Variants in IFT57 observed in about 807,000 individuals in gnomAD.
IFT57 encodes intraflagellar transport 57, also known as intraflagellar transport protein 57 homolog.
IFT57 carries 59 observed loss-of-function variants against 56.8 expected under a neutral mutation model. That is an observed-to-expected ratio of 1.04 (90% CI 0.84 to 1.29). The LOEUF is 1.29. Among genes scored for constraint, IFT57 ranks in the 50% most tolerant of loss-of-function variants. The pLI, the probability that IFT57 is intolerant of heterozygous loss-of-function variation, is 0.00. For missense variants in IFT57, 470 were observed against 522.1 expected, an observed-to-expected ratio of 0.90 and a Z score of 0.97; for synonymous variants, 209 against 186.1, an observed-to-expected ratio of 1.12 and a Z score of -1.00.
chr3:108,212,927 T>C (rs2080350829), intron 4 of IFT57, among the ~76,000 whole-genome samples: 1 of 152,210 alleles, frequency 6.6e-6, no homozygotes, highest in African/African-American at 2.4e-5. Flanking sequence ...TTCTTTCATT[T>C]CTGCCACCCC....
chr3:108,213,984 C>G lies in IFT57; in HGVS notation c.532G>C (p.Val178Leu). The G allele has an allele frequency of 6.2e-7, 1 of 1,608,800 alleles. No individual in the cohort carries two copies. Among genetic ancestry groups the G allele is most frequent in the Non-Finnish European group, 8.5e-7 (1 of 1,175,576 alleles). The change falls in exon 4 of 11, where the codon GTT becomes CTT. Residue 178 changes from valine (V) to leucine (L), a missense_variant. Val to Leu is a conservative substitution (Grantham distance 32). Transcript: ENST00000264538. ...GTTAATTCTGCATCATCTTCTGCAA[C>G]GCTTTCTTCTTCTAATTCTTCTACT... ...YPVEELEEES[V>L]AEDDAELTLN...
chr3:108,173,076 A>G (rs543357575), intron 6 of IFT57, among the ~76,000 whole-genome samples: 2 of 152,046 alleles, frequency 1.3e-5, no homozygotes, highest in East Asian at 3.9e-4. Context: ...ATTAATGTAC[A>G]AGTTACTGAT....
rs550419105 is a variant in IFT57, at chr3:108,165,424, T to C, written c.1044+7A>G. ...GTGAGAAGCAGGGCAAGAGCATCAGTGTGTACCTCAGAGAGGAGTCTGGTT... is the reference window on the plus strand; with the variant it reads ...GTGAGAAGCAGGGCAAGAGCATCAGCGTGTACCTCAGAGAGGAGTCTGGTT... On this transcript the variant is annotated splice_region_variant and intron_variant, in intron 9 of 10. Coordinates refer to ENST00000264538, the MANE Select transcript of IFT57 (RefSeq NM_018010.4). 2.6e-4 allele frequency: 411 copies of C among 1,610,992 alleles called. 5 individuals carry two copies. In the South Asian group the frequency reaches 4.2e-3, roughly 16 times the overall value.
chr3:108,210,863 T>C (rs2080339506), intron 4 of IFT57, among the ~76,000 whole-genome samples: 1 of 152,224 alleles, frequency 6.6e-6, no homozygotes, highest in South Asian at 2.1e-4. Flanking sequence ...GCCTTCAGTT[T>C]GCTCTTATGA....
In IFT57 at chr3:108,218,479, T is replaced by G. The variant is rs2107223062; in HGVS notation, c.494+56A>C. ...TGTTCAATTGAACAGCTCTGTACCC[T>G]CAGAGGCAAATGCTATGCCCATAAA... On this transcript the variant is annotated intron_variant, in intron 3 of 10. Coordinates refer to ENST00000264538, the MANE Select transcript of IFT57 (RefSeq NM_018010.4). The G allele has an allele frequency of 4.0e-6, 3 of 743,534 alleles. No homozygotes were observed. In the Middle Eastern group the frequency reaches 7.2e-4, roughly 178 times the overall value. The allele number at this position is 743,534 out of a possible 1,614,324, so 46.1% of individuals were successfully genotyped here.
In IFT57 at chr3:108,220,375, TATC is replaced by T. The variant is rs777324339; in HGVS notation, c.213-806_213-804del. Among the ~76,000 whole-genome samples the T allele has an allele frequency of 1.8e-4, 27 of 152,250 alleles. 1 individual carries two copies. Among genetic ancestry groups the T allele is most frequent in the Admixed American group, 2.6e-4 (4 of 15,288 alleles). ...CTTATTTGTCTTGTTCATGTGTAGC[TATC>T]ATTATTATGTTTACAATGTATTTAC... On this transcript the variant is annotated intron_variant, in intron 1 of 10. Coordinates refer to ENST00000264538, the MANE Select transcript of IFT57 (RefSeq NM_018010.4).
intron 4 of IFT57, among the ~76,000 whole-genome samples, chr3:108,209,593 A>G (rs1489899872): frequency 3.3e-5 from 5 of 152,334 alleles, no homozygotes; most frequent in Admixed American, 2.6e-4. Flanking sequence ...GCGAAAAATA[A>G]TTGAATCAGT....
intron 5 of IFT57, among the ~76,000 whole-genome samples, chr3:108,195,572 G>A (rs1576041893): frequency 6.6e-6 from 1 of 152,298 alleles, no homozygotes; most frequent in East Asian, 1.9e-4. Flanking sequence ...ATCAACCTAA[G>A]TGTTGATCAA....
rs376082279 is a variant in IFT57, at chr3:108,183,700, TTTGC to T, written c.777+7817_777+7820del. On this transcript the variant is annotated intron_variant, in intron 6 of 10. Transcript: ENST00000264538. Reference sequence around the variant, plus strand: ...TACAGTAAGCTTTGAATAAATAGCCTTTGCTTGGTCTCACTTGCGTGGTCTCCAT... The same window carrying T: ...TACAGTAAGCTTTGAATAAATAGCCTTTGGTCTCACTTGCGTGGTCTCCAT... Among the ~76,000 whole-genome samples the T allele has an allele frequency of 1.1e-3, 175 of 152,290 alleles. 1 individual carries two copies. The highest frequency in any genetic ancestry group is 4.1e-3 in the African/African-American group (170 of 41,578).
At chr3:108,183,333 A>C (rs2080162013) in intron 6 of IFT57, among the ~76,000 whole-genome samples, 1 of 152,104 alleles carries the variant, frequency 6.6e-6, no homozygotes, top group Admixed American at 6.6e-5. Context: ...CAAATATATA[A>C]CTCTGACCCA....
chr3:108,206,920 C>A (rs557000463), intron 4 of IFT57, among the ~76,000 whole-genome samples: 1 of 151,848 alleles, frequency 6.6e-6, no homozygotes, highest in South Asian at 2.1e-4. Flanking sequence ...TAAATAGAAC[C>A]ATTTTTGTAG....
intron 6 of IFT57, among the ~76,000 whole-genome samples, chr3:108,173,996 G>C (rs1471257693): frequency 2.1e-5 from 2 of 94,170 alleles, no homozygotes; most frequent in Non-Finnish European, 4.3e-5. Context: ...GCATATATTT[G>C]AGTGTGTGTG....
intron 9 of IFT57, 60 bp from the exon 10 acceptor site, chr3:108,163,789 A>G: frequency 9.7e-7 from 1 of 1,030,584 alleles, no homozygotes; most frequent in Non-Finnish European, 1.5e-6. Context: ...CAATTTTTGA[A>G]TTATGTGTTA....
intron 6 of IFT57, among the ~76,000 whole-genome samples, chr3:108,180,838 T>TA (rs918282951): frequency 1.8e-4 from 27 of 152,082 alleles, no homozygotes; most frequent in African/African-American, 6.0e-4. Context: ...TAAGTAATTT[T>TA]AAAAAACAAA....
At chr3:108,180,573 A>G (rs139386751) in intron 6 of IFT57, among the ~76,000 whole-genome samples, 52 of 152,132 alleles carry the variant, frequency 3.4e-4, no homozygotes, top group African/African-American at 1.1e-3. Context: ...ACTCTAAAAA[A>G]CAAGAGTTAA....
intron 6 of IFT57, among the ~76,000 whole-genome samples, chr3:108,182,241 A>G (rs1306417068): frequency 6.6e-6 from 1 of 152,038 alleles, no homozygotes; most frequent in Admixed American, 6.6e-5. Context: ...TACTCTCTCC[A>G]CTGCTTTGGA....
chr3:108,178,444 A>T (rs546431898), intron 6 of IFT57, among the ~76,000 whole-genome samples: 1 of 151,976 alleles, frequency 6.6e-6, no homozygotes, highest in Admixed American at 6.6e-5. Flanking sequence ...TGAGTATATT[A>T]AAGTTAAGTC....
chr3:108,202,116 A>G (rs1489573667), intron 5 of IFT57, among the ~76,000 whole-genome samples: 3 of 152,182 alleles, frequency 2.0e-5, no homozygotes, highest in African/African-American at 7.2e-5. Flanking sequence ...AATGTTTTGA[A>G]ATGAAGTGAT....
chr3:108,201,676 G>T (rs546866349), intron 5 of IFT57, among the ~76,000 whole-genome samples: 1 of 152,050 alleles, frequency 6.6e-6, no homozygotes, highest in South Asian at 2.1e-4. Flanking sequence ...CAACTGATAG[G>T]GCAAGCTGTA....
Sources: allele counts gnomAD v4.1 joint callset (sites outside exome capture counted in the v4.1 genomes callset), GRCh38; gene constraint gnomAD v4.1.1; transcripts MANE v1.5; gene names NCBI Gene and HGNC (gene_info 2026-07-23, HGNC 2026-07-21).